Variants in PRKN observed in about 807,000 individuals in gnomAD.
PRKN encodes parkin RBR E3 ubiquitin protein ligase, also known as E3 ubiquitin-protein ligase parkin.
PRKN carries 56 observed loss-of-function variants against 59.5 expected under a neutral mutation model. The observed-to-expected ratio is 0.94, with a 90% CI of 0.76 to 1.18. The LOEUF is 1.18. Ranked by LOEUF, PRKN falls within the 50% of genes most tolerant of loss-of-function variation. PRKN has a pLI of 0.00. For synonymous variants in PRKN, 250 were observed against 222.1 expected, an observed-to-expected ratio of 1.13 and a Z score of -1.12; for missense variants, 657 against 596.4, an observed-to-expected ratio of 1.10 and a Z score of -1.06.
Position 162,727,710 on chromosome 6 carries a change from A to C in PRKN, c.-42T>G, listed in dbSNP as rs112850281. On this transcript the variant is annotated 5_prime_UTR_variant, in exon 1 of 12. It removes an upstream start codon present in the reference 5' UTR. Transcript: ENST00000366898. ...GCGGCTGCGGGCCAGGAACAGGCCC[A>C]TGCGCGCAGCGGCGCCAGCCGCGCC... 1.9e-6 allele frequency: 3 copies of C among 1,556,318 alleles called. No individual in the cohort carries two copies. Among genetic ancestry groups the C allele is most frequent in the Non-Finnish European group, 1.7e-6 (2 of 1,150,426 alleles).
At chr6:161,476,104 G>A (rs561159359) in intron 9 of PRKN, among the ~76,000 whole-genome samples, 34,099 of 150,266 alleles carry the variant, frequency 0.23, 4,238 homozygotes, top group African/African-American at 0.33. Context: ...GGAGAATGGT[G>A]TGGACCCGGG....
At position 161,693,526 on chromosome 6, in the gene PRKN, C is replaced by G. The variant is rs114472344; in HGVS notation, c.871+92246G>C. 6.3e-3 allele frequency among the ~76,000 whole-genome samples: 966 copies of G among 152,224 alleles called. 13 individuals carry two copies. The highest frequency in any genetic ancestry group is 0.022 in the African/African-American group (925 of 41,512). ...TGCTGAACAATACATACAATTATGACCAGCAATAGGAGTTGTGGAGGCCAT... is the reference window on the plus strand; with the variant it reads ...TGCTGAACAATACATACAATTATGAGCAGCAATAGGAGTTGTGGAGGCCAT... On this transcript the variant is annotated intron_variant, in intron 7 of 11. Coordinates refer to ENST00000366898, the MANE Select transcript of PRKN (RefSeq NM_004562.3).
chr6:162,621,832 C>A (rs569634642), intron 1 of PRKN, among the ~76,000 whole-genome samples: 7 of 152,026 alleles, frequency 4.6e-5, no homozygotes, highest in African/African-American at 1.7e-4. Flanking sequence ...TTTTTATTTA[C>A]TGAGACAGAG....
chr6:162,515,170 C>G (rs1777793682), intron 1 of PRKN, among the ~76,000 whole-genome samples: 1 of 151,606 alleles, frequency 6.6e-6, no homozygotes, highest in African/African-American at 2.4e-5. Flanking sequence ...GCAACCTCCA[C>G]CTCCCAGGTT....
At chr6:161,621,501 C>G (rs561388269) in intron 7 of PRKN, among the ~76,000 whole-genome samples, 1 of 152,058 alleles carries the variant, frequency 6.6e-6, no homozygotes, top group Non-Finnish European at 1.5e-5. Context: ...TAAAGAGAAA[C>G]TAATTTGTTT....
intron 2 of PRKN, among the ~76,000 whole-genome samples, chr6:162,428,799 T>C (rs1789369709): frequency 6.6e-6 from 1 of 152,108 alleles, no homozygotes; most frequent in South Asian, 2.1e-4. Context: ...TTAGCCTCCT[T>C]GCTTCCACCA....
chr6:161,739,260 T>C (rs1320563250), intron 7 of PRKN, among the ~76,000 whole-genome samples: 1 of 152,004 alleles, frequency 6.6e-6, no homozygotes, highest in African/African-American at 2.4e-5. Context: ...ACATAAAAAT[T>C]CACCAGGTAT....
chr6:162,336,938 T>C (rs905915788), intron 2 of PRKN, among the ~76,000 whole-genome samples: 7 of 152,196 alleles, frequency 4.6e-5, no homozygotes, highest in African/African-American at 1.7e-4. Flanking sequence ...TACTCTCAGA[T>C]AAGGATATCC....
chr6:162,057,667 C>T (rs1420548458), intron 4 of PRKN, among the ~76,000 whole-genome samples: 2 of 152,190 alleles, frequency 1.3e-5, no homozygotes, highest in Admixed American at 1.3e-4. Flanking sequence ...ACCTTTCTTA[C>T]TCCTATACAA....
intron 7 of PRKN, among the ~76,000 whole-genome samples, chr6:161,741,855 G>A (rs1191243963): frequency 3.3e-5 from 5 of 152,124 alleles, no homozygotes; most frequent in Admixed American, 6.5e-5. Flanking sequence ...TGTTAAGGGC[G>A]GGCCCAGTGG....
At chr6:162,036,278 C>T (rs1247028034) in intron 5 of PRKN, among the ~76,000 whole-genome samples, 1 of 151,824 alleles carries the variant, frequency 6.6e-6, no homozygotes, top group African/African-American at 2.4e-5. Context: ...GAGCCGAGAT[C>T]ACGCCACTGC....
Position 161,545,232 on chromosome 6 carries a change from A to C in PRKN, c.1083+3622T>G, listed in dbSNP as rs541100752. The C allele has an allele frequency of 7.5e-7, 1 of 1,342,172 alleles. No homozygotes were observed. Among genetic ancestry groups the C allele is most frequent in the East Asian group, 2.7e-5 (1 of 36,396 alleles). 83.1% of individuals were successfully genotyped at this position (1,342,172 alleles called of 1,614,324 possible). ...TAATTGAGGGAAAAAAAAATTAAGCACGGGTGAATTCACAGGCATCTTACA... is the reference window on the plus strand; with the variant it reads ...TAATTGAGGGAAAAAAAAATTAAGCCCGGGTGAATTCACAGGCATCTTACA... On this transcript the variant is annotated intron_variant, in intron 9 of 11. Coordinates refer to ENST00000366898, the MANE Select transcript of PRKN (RefSeq NM_004562.3). The surrounding 1 kb of genome is among the most constrained non-coding windows in gnomAD (Gnocchi z 4.1).
chr6:162,088,368 C>T (rs4709572), intron 4 of PRKN, among the ~76,000 whole-genome samples: 65,829 of 151,596 alleles, frequency 0.43, 14,398 homozygotes, highest in Admixed American at 0.48. Flanking sequence ...TTCTCAATCA[C>T]TGGAAAACAG....
chr6:162,210,203 A>T (rs1339050546), intron 3 of PRKN, among the ~76,000 whole-genome samples: 1 of 152,120 alleles, frequency 6.6e-6, no homozygotes, highest in Non-Finnish European at 1.5e-5. Context: ...ACCTTTGGGA[A>T]ATCAGCTGGC....
At chr6:161,956,613 G>A (rs1269483384) in intron 6 of PRKN, among the ~76,000 whole-genome samples, 2 of 152,044 alleles carry the variant, frequency 1.3e-5, no homozygotes, top group Admixed American at 1.3e-4. Context: ...TTTAGTAAGG[G>A]ATACAACAAT....
intron 6 of PRKN, among the ~76,000 whole-genome samples, chr6:161,955,512 G>GA (rs910424140): frequency 9.9e-5 from 15 of 152,086 alleles, no homozygotes; most frequent in African/African-American, 3.4e-4. Context: ...GTTTTCATAG[G>GA]AAAAAAAATT....
At chr6:162,136,038 C>T (rs1030536917) in intron 4 of PRKN, among the ~76,000 whole-genome samples, 3 of 151,386 alleles carry the variant, frequency 2.0e-5, no homozygotes, top group African/African-American at 7.3e-5. Context: ...ATACATTGTA[C>T]ATATATTTTA....
At chr6:162,082,360 C>T (rs374570149) in intron 4 of PRKN, among the ~76,000 whole-genome samples, 35 of 152,108 alleles carry the variant, frequency 2.3e-4, no homozygotes, top group African/African-American at 8.4e-4. Context: ...TTTTAAATTG[C>T]CTAGTCTCAG....
At chr6:162,106,187 T>C (rs1177586377) in intron 4 of PRKN, among the ~76,000 whole-genome samples, 1 of 152,168 alleles carries the variant, frequency 6.6e-6, no homozygotes, top group African/African-American at 2.4e-5. Flanking sequence ...AGAGGATGGA[T>C]AGATTAACAA....
Sources: gnomAD v4.1 joint callset for allele counts (sites outside exome capture counted in the v4.1 genomes callset) on GRCh38, gnomAD v4.1.1 for gene constraint, Gnocchi (gnomAD v3.1) non-coding constraint, MANE v1.5 for transcripts, NCBI Gene and HGNC (gene_info 2026-07-23, HGNC 2026-07-21) for gene names.